The following UFD1 variants were observed in gnomAD, a reference collection of about 807,000 sequenced individuals.
UFD1 encodes the protein ubiquitin recognition factor in ER associated degradation 1.
In UFD1, 13 loss-of-function variants were observed where a neutral mutation model predicts 45.9. The ratio of observed to expected loss-of-function variants is 0.28; its 90% CI spans 0.18 to 0.45. UFD1 has a LOEUF of 0.45. UFD1 is among the 20% of genes least tolerant of loss of function. The pLI, the probability that UFD1 is intolerant of heterozygous loss-of-function variation, is 1.00. For missense variants in UFD1, 218 were observed against 389.2 expected, an observed-to-expected ratio of 0.56 and a Z score of 3.70; for synonymous variants, 128 against 139.2, an observed-to-expected ratio of 0.92 and a Z score of 0.56.
rs535526561 is a variant in UFD1, at chr22:19,471,827, C to A, written c.170-19G>T. The A allele has an allele frequency of 4.3e-5, 69 of 1,610,260 alleles. 1 individual carries two copies. The Middle Eastern group carries it at 8.3e-4, about 19-fold the overall frequency. On this transcript the variant is annotated intron_variant, in intron 3 of 11. Coordinates refer to ENST00000263202, the MANE Select transcript of UFD1 (RefSeq NM_005659.7). ...AGTCGGCCTGAAAATAAGAGAGAGACTATGAGGCACAGCTCCTATGAAGGG... is the reference window on the plus strand; with the variant it reads ...AGTCGGCCTGAAAATAAGAGAGAGAATATGAGGCACAGCTCCTATGAAGGG...
chr22:19,471,624 C>T (rs2089846501), intron 4 of UFD1, 63 bp downstream of exon 4: 7 of 1,585,866 alleles, frequency 4.4e-6, no homozygotes, highest in African/African-American at 1.3e-5. Flanking sequence ...CCAGGACTCT[C>T]GAGTGCAGGA....
At chr22:19,455,838 C>A in intron 9 of UFD1, 70 bp from the exon 10 acceptor site, 3 of 1,451,294 alleles carry the variant, frequency 2.1e-6, no homozygotes, top group Non-Finnish European at 2.9e-6. Flanking sequence ...GCTTGGAGAT[C>A]ACTGCAGGGA....
At position 19,467,941 on chromosome 22, in the gene UFD1, T is replaced by C. The variant is rs1043096307; in HGVS notation, c.354A>G (p.Gln118=). 3.1e-6 allele frequency: 5 copies of C among 1,614,052 alleles called. No individual in the cohort carries two copies. Among genetic ancestry groups the C allele is most frequent in the African/African-American group, 2.7e-5 (2 of 74,916 alleles). ...GTTGGAATTTGGAGTAGGTGGCCAC[T>C]TGAAGGTTGACGCTCTCCACCTGGA... is the stretch of plus-strand genomic sequence containing the variant. ...GLVQVESVNL[Q]VATYSKFQPQ... Residue 118 remains glutamine, a synonymous_variant, in exon 5 of 12, where the codon CAA becomes CAG. Transcript: ENST00000263202.
intron 11 of UFD1, chr22:19,454,354 G>A (rs944101789): frequency 5.9e-5 from 60 of 1,013,884 alleles, no homozygotes; most frequent in Non-Finnish European, 7.1e-5. Context: ...CGTGTTGTGG[G>A]AGGGACCAGG....
At chr22:19,457,409 T>C (rs960293545) in intron 7 of UFD1, among the ~76,000 whole-genome samples, 2 of 152,228 alleles carry the variant, frequency 1.3e-5, no homozygotes, top group African/African-American at 2.4e-5. Context: ...CTTTTTGGGA[T>C]TGGCTTTTTT....
At chr22:19,464,523 G>A (rs1343035155) in intron 6 of UFD1, among the ~76,000 whole-genome samples, 2 of 152,218 alleles carry the variant, frequency 1.3e-5, no homozygotes, top group Admixed American at 1.3e-4. Context: ...TTGAATTTTG[G>A]ACTAAGTCCT....
At position 19,454,733 on chromosome 22, in the gene UFD1, A is replaced by T; in HGVS notation, c.849+16T>A. 4 of 1,614,036 alleles carry T rather than the reference A, an allele frequency of 2.5e-6. No homozygotes were observed. In the South Asian group the frequency reaches 4.4e-5, roughly 18 times the overall value. On this transcript the variant is annotated intron_variant, in intron 11 of 11. Coordinates refer to ENST00000263202, the MANE Select transcript of UFD1 (RefSeq NM_005659.7). The stretch of plus-strand genomic sequence containing the variant: ...TCCTCATTACCAACCAAGGAAATAC[A>T]AGGAAATACACTCACCTCTTCAACC...
intron 1 of UFD1, among the ~76,000 whole-genome samples, chr22:19,478,019 G>C (rs1213572771): frequency 2.6e-5 from 4 of 152,206 alleles, no homozygotes; most frequent in African/African-American, 9.6e-5. Context: ...GTAGGGGCTT[G>C]CTTCCCTTGA....
chr22:19,461,568 T>A (rs1431082947), intron 6 of UFD1, among the ~76,000 whole-genome samples: 1 of 152,274 alleles, frequency 6.6e-6, no homozygotes, highest in East Asian at 1.9e-4. Flanking sequence ...TGTATCTGTA[T>A]CAAGTGACAA....
At chr22:19,461,206 T>C (rs562472943) in intron 6 of UFD1, among the ~76,000 whole-genome samples, 2 of 152,280 alleles carry the variant, frequency 1.3e-5, no homozygotes, top group Non-Finnish European at 2.9e-5. Context: ...CTTTTTAATG[T>C]TGAATAATAT....
At chr22:19,454,682 C>G in intron 11 of UFD1, 67 bp downstream of exon 11, 1 of 1,610,324 alleles carries the variant, frequency 6.2e-7, no homozygotes, top group East Asian at 2.2e-5. Flanking sequence ...ATGCCAAGAA[C>G]TTCAGTCATC....
chr22:19,469,273 T>C (rs2089826847), intron 4 of UFD1, among the ~76,000 whole-genome samples: 1 of 152,108 alleles, frequency 6.6e-6, no homozygotes, highest in East Asian at 1.9e-4. Context: ...GGGTAGATTT[T>C]TGTGGGAAAT....
At chr22:19,459,883 T>C (rs1233396253) in intron 6 of UFD1, among the ~76,000 whole-genome samples, 1 of 151,582 alleles carries the variant, frequency 6.6e-6, no homozygotes, top group African/African-American at 2.4e-5. Flanking sequence ...GGACTACAGG[T>C]GCGTGCCACC....
intron 6 of UFD1, among the ~76,000 whole-genome samples, chr22:19,461,505 A>C (rs1291251291): frequency 1.3e-5 from 2 of 152,206 alleles, no homozygotes; most frequent in Non-Finnish European, 2.9e-5. Flanking sequence ...TGCCGTATAG[A>C]ATCTTCCTTA....
chr22:19,456,340 C>T (rs569158645), intron 9 of UFD1, among the ~76,000 whole-genome samples: 1 of 151,494 alleles, frequency 6.6e-6, no homozygotes, highest in East Asian at 2.0e-4. Flanking sequence ...ACTATTTAAA[C>T]TCTTCGGTAG....
intron 3 of UFD1, 47 bp downstream of exon 3, chr22:19,475,021 C>A: frequency 6.4e-7 from 1 of 1,572,052 alleles, no homozygotes; most frequent in South Asian, 1.2e-5. Context: ...CTCTTGGTGT[C>A]CATATGTACA....
intron 3 of UFD1, among the ~76,000 whole-genome samples, chr22:19,473,350 A>C (rs1354170246): frequency 3.3e-5 from 5 of 152,234 alleles, no homozygotes; most frequent in African/African-American, 4.8e-5. Context: ...AGAGAACCTC[A>C]TTTTATGAAT....
intron 4 of UFD1, among the ~76,000 whole-genome samples, chr22:19,468,835 C>T (rs2089823389): frequency 1.3e-5 from 2 of 152,254 alleles, no homozygotes; most frequent in African/African-American, 4.8e-5. Flanking sequence ...TGAAGCAAAT[C>T]CCAGGTATCA....
intron 6 of UFD1, 124 bp downstream of exon 6, chr22:19,465,078 C>G (rs531162968): frequency 3.4e-6 from 3 of 878,668 alleles, no homozygotes; most frequent in East Asian, 4.9e-5. Flanking sequence ...AATAACCAAA[C>G]AGTAGGCAGT....
Sources: gnomAD v4.1 joint callset for allele counts (sites outside exome capture counted in the v4.1 genomes callset) on GRCh38, gnomAD v4.1.1 for gene constraint, MANE v1.5 for transcripts, NCBI Gene and HGNC (gene_info 2026-07-23, HGNC 2026-07-21) for gene names.